CEP70: variants seen among roughly 807,000 people sequenced by gnomAD.
CEP70 encodes centrosomal protein of 70 kDa.
In CEP70, 70 loss-of-function variants were observed where a neutral mutation model predicts 90.9. That is an observed-to-expected ratio of 0.77 (90% CI 0.64 to 0.94). The LOEUF (loss-of-function observed/expected upper bound fraction) is 0.94. CEP70 is among the 40% of genes least tolerant of loss of function. CEP70 has a pLI of 0.00. For synonymous variants in CEP70, 220 were observed against 228.3 expected (o/e 0.96, Z 0.33); for missense variants, 648 against 669.0 (o/e 0.97, Z 0.35).
chr3:138,510,612 A>C lies in CEP70; in HGVS notation c.945-2068T>G, dbSNP rs74418165. ...CAAACAGCAGGCAGAGCGCATCGTT[A>C]ATGAGTCATAGAGTCAGTTTAGTGG... On this transcript the variant is annotated intron_variant, in intron 11 of 17. Transcript: ENST00000264982. Among the ~76,000 whole-genome samples, 856 of 152,300 alleles carry C rather than the reference A, an allele frequency of 5.6e-3. 11 individuals are homozygous for C. Among genetic ancestry groups the C allele is most frequent in the African/African-American group, 0.019 (782 of 41,574 alleles).
intron 11 of CEP70, among the ~76,000 whole-genome samples, chr3:138,520,060 C>A (rs1178657595): frequency 2.0e-5 from 3 of 152,078 alleles, no homozygotes; most frequent in East Asian, 3.8e-4. Context: ...AGACTTTAAA[C>A]CAACAAAGAT....
At chr3:138,538,499 C>G (rs1017407267) in intron 6 of CEP70, among the ~76,000 whole-genome samples, 3 of 152,126 alleles carry the variant, frequency 2.0e-5, no homozygotes, top group Admixed American at 6.5e-5. Context: ...AAAGGAAATT[C>G]AACAGGTGAA....
intron 17 of CEP70, chr3:138,496,588 A>C: frequency 1.0e-6 from 1 of 985,394 alleles, no homozygotes; most frequent in Non-Finnish European, 1.2e-6. Context: ...TTCCTCAGTC[A>C]ATCACACCAT....
chr3:138,520,425 AG>A (rs2036504493), intron 11 of CEP70, among the ~76,000 whole-genome samples: 1 of 152,196 alleles, frequency 6.6e-6, no homozygotes, highest in African/African-American at 2.4e-5. Flanking sequence ...TCGACCACAT[AG>A]TTGGAAGTAA....
intron 17 of CEP70, chr3:138,496,699 TATTA>T (rs2033979059): frequency 2.0e-6 from 2 of 985,240 alleles, no homozygotes; most frequent in Non-Finnish European, 2.4e-6. Context: ...TAGTGACACC[TATTA>T]ATTAAAAAAA....
intron 12 of CEP70, among the ~76,000 whole-genome samples, chr3:138,507,423 C>T (rs2035087838): frequency 6.6e-6 from 1 of 151,964 alleles, no homozygotes; most frequent in Non-Finnish European, 1.5e-5. Context: ...AAAAACTGTT[C>T]ATCCAGAAGA....
At chr3:138,578,998 A>G (rs2041702250) in intron 2 of CEP70, among the ~76,000 whole-genome samples, 1 of 152,222 alleles carries the variant, frequency 6.6e-6, no homozygotes, top group Non-Finnish European at 1.5e-5. Flanking sequence ...ACATTTATAA[A>G]TTGCCAATAC....
rs1375105415 is a variant in CEP70, at chr3:138,551,768, AC to A, written c.466-14422del. ...TCTAAAAAAAAAAAAATAAAATAAAACAAAACCCAAAGTATACAGGCAAAAA... is the reference window on the plus strand; with the variant it reads ...TCTAAAAAAAAAAAAATAAAATAAAAAAAACCCAAAGTATACAGGCAAAAA... On this transcript the variant is annotated intron_variant, in intron 6 of 17. Transcript: ENST00000264982. 5.1e-3 allele frequency among the ~76,000 whole-genome samples: 774 copies of A among 151,056 alleles called. 4 individuals carry two copies. The highest frequency in any genetic ancestry group is 0.018 in the African/African-American group (743 of 41,064).
chr3:138,577,168 G>A (rs1470827347), intron 2 of CEP70, among the ~76,000 whole-genome samples: 2 of 152,214 alleles, frequency 1.3e-5, no homozygotes, highest in African/African-American at 2.4e-5. Flanking sequence ...ACACAGGAAG[G>A]GGAACATCAC....
At chr3:138,500,066 C>T (rs1299215150) in intron 16 of CEP70, 44 bp downstream of exon 16, 2 of 1,338,804 alleles carry the variant, frequency 1.5e-6, no homozygotes, top group South Asian at 1.2e-5. Flanking sequence ...GCCACCACAC[C>T]CAGCCATTCT....
At chr3:138,552,294 T>C (rs1454069202) in intron 6 of CEP70, among the ~76,000 whole-genome samples, 2 of 152,066 alleles carry the variant, frequency 1.3e-5, no homozygotes, top group Non-Finnish European at 2.9e-5. Context: ...AAAGAAACAA[T>C]GGATTTAAAC....
At chr3:138,555,612 T>C (rs2039949130) in intron 6 of CEP70, among the ~76,000 whole-genome samples, 2 of 152,060 alleles carry the variant, frequency 1.3e-5, no homozygotes, top group African/African-American at 2.4e-5. Context: ...AGGATATGAA[T>C]AGAGAATTCT....
intron 8 of CEP70, 40 bp from the exon 9 acceptor site, chr3:138,529,502 T>C (rs745577103): frequency 1.6e-6 from 2 of 1,278,616 alleles, no homozygotes; most frequent in East Asian, 4.6e-5. Flanking sequence ...GAAAAATCTA[T>C]CTTCAAAGAA....
intron 6 of CEP70, among the ~76,000 whole-genome samples, chr3:138,551,630 C>T (rs1203727155): frequency 2.0e-5 from 3 of 151,780 alleles, no homozygotes; most frequent in Admixed American, 2.0e-4. Flanking sequence ...TCTGTAGTTC[C>T]AGCTACTCAG....
chr3:138,536,358 T>C (rs1310421565), intron 7 of CEP70, among the ~76,000 whole-genome samples: 1 of 152,084 alleles, frequency 6.6e-6, no homozygotes, highest in Non-Finnish European at 1.5e-5. Context: ...TGCAATTACA[T>C]AAATGTTTAC....
At chr3:138,566,129 C>T (rs2040769351) in intron 6 of CEP70, among the ~76,000 whole-genome samples, 1 of 152,172 alleles carries the variant, frequency 6.6e-6, no homozygotes, top group African/African-American at 2.4e-5. Context: ...CAATGAGATA[C>T]CATCTCATGC....
At position 138,529,300 on chromosome 3, in the gene CEP70, T is replaced by C; in HGVS notation, c.781-13A>G. On this transcript the variant is annotated splice_polypyrimidine_tract_variant and intron_variant, in intron 9 of 17. Transcript: ENST00000264982. ...GATTCTGTAATGACTGCAACACATT[T>C]CATAGAAAAATAATTAACTTTCTTA... The C allele has an allele frequency of 6.3e-7, 1 of 1,584,852 alleles. No homozygotes were observed. The highest frequency in any genetic ancestry group is 8.6e-7 in the Non-Finnish European group (1 of 1,161,882).
At chr3:138,529,106 C>T (rs931058999) in intron 10 of CEP70, 93 bp downstream of exon 10, 11 of 685,374 alleles carry the variant, frequency 1.6e-5, no homozygotes, top group South Asian at 2.0e-5. Flanking sequence ...GTCAAGGCTG[C>T]GGTGAGACGT....
intron 16 of CEP70, chr3:138,499,834 T>G: frequency 3.3e-6 from 1 of 303,648 alleles, no homozygotes; most frequent in Non-Finnish European, 6.3e-6. Context: ...GGCGTGTGCT[T>G]ACAGTCACAC....
Sources: allele counts gnomAD v4.1 joint callset (sites outside exome capture counted in the v4.1 genomes callset), GRCh38; gene constraint gnomAD v4.1.1; transcripts MANE v1.5; gene names NCBI Gene and HGNC (gene_info 2026-07-23, HGNC 2026-07-21).